The following PDE4D variants were observed in gnomAD, a reference collection of about 807,000 sequenced individuals.
PDE4D encodes the protein phosphodiesterase 4D, also known as 3',5'-cyclic-AMP phosphodiesterase 4D.
A neutral mutation model predicts 87.4 loss-of-function variants in PDE4D; 24 were observed. The ratio of observed to expected loss-of-function variants is 0.27; its 90% CI spans 0.20 to 0.39. PDE4D has a LOEUF of 0.39. PDE4D is among the 10% of genes least tolerant of loss of function. The pLI is 1.00. For synonymous variants in PDE4D, 384 were observed against 383.2 expected, an observed-to-expected ratio of 1.00 and a Z score of -0.02; for missense variants, 714 against 1,041.0, an observed-to-expected ratio of 0.69 and a Z score of 4.32.
chr5:59,522,997 C>A (rs543391147), intron 1 of PDE4D, among the ~76,000 whole-genome samples: 1 of 152,322 alleles, frequency 6.6e-6, no homozygotes, highest in South Asian at 2.1e-4. Flanking sequence ...TCAGTCCCTG[C>A]TCAATTAGCT....
At chr5:59,850,414 G>A (rs76189754) in intron 1 of PDE4D, among the ~76,000 whole-genome samples, 2,838 of 152,040 alleles carry the variant, frequency 0.019, 90 homozygotes, top group African/African-American at 0.065. Context: ...TACCACAAAG[G>A]GTTGTTATAA....
At chr5:59,158,972 A>G (rs1780628563) in intron 5 of PDE4D, among the ~76,000 whole-genome samples, 1 of 152,232 alleles carries the variant, frequency 6.6e-6, no homozygotes, top group Non-Finnish European at 1.5e-5. Context: ...GCTCTGGAGT[A>G]GTTATCACCC....
intron 1 of PDE4D, among the ~76,000 whole-genome samples, chr5:60,279,217 T>C (rs1316687212): frequency 6.6e-6 from 1 of 152,058 alleles, no homozygotes; most frequent in Non-Finnish European, 1.5e-5. Context: ...AGGGTGGCCT[T>C]GTTATCATAG....
At position 59,893,617 on chromosome 5, in the gene PDE4D, C is replaced by T. The variant is rs1287120220; in HGVS notation, c.6G>A (p.Glu2=). M[E]AEGSSAPARA... ...GGGCCGGCGCGCTGCTGCCCTCTGC[C>T]TCCATCCTGGCTCGCGGCTCCGCGA... The change falls in exon 1 of 15, where the codon GAG becomes GAA. Residue 2 remains glutamate (E), a synonymous_variant. Coordinates refer to ENST00000340635, the MANE Select transcript of PDE4D (RefSeq NM_001104631.2). 3 of 1,503,844 alleles carry T rather than the reference C, an allele frequency of 2.0e-6. No homozygotes were observed. The highest frequency in any genetic ancestry group is 2.7e-6 in the Non-Finnish European group (3 of 1,129,034). 93.2% of individuals were successfully genotyped at this position (1,503,844 alleles called of 1,614,324 possible). A position where few individuals can be genotyped will look rare whatever the true frequency, so the allele number is the denominator to read the frequency against.
At chr5:60,361,970 G>C (rs1760117353) in intron 1 of PDE4D, among the ~76,000 whole-genome samples, 1 of 152,142 alleles carries the variant, frequency 6.6e-6, no homozygotes. Flanking sequence ...TACTGATTTT[G>C]CTCACCTAAA....
chr5:59,541,038 T>G (rs557251879), intron 1 of PDE4D, among the ~76,000 whole-genome samples: 2 of 152,300 alleles, frequency 1.3e-5, no homozygotes, highest in South Asian at 4.1e-4. Flanking sequence ...GATCTCAGAA[T>G]TTAAAGAAAC....
chr5:60,022,359 G>T (rs2152853487), intron 2 of PDE4D, among the ~76,000 whole-genome samples: 1 of 152,248 alleles, frequency 6.6e-6, no homozygotes, highest in East Asian at 1.9e-4. Flanking sequence ...TATAACAGAG[G>T]AGTATTCCTG....
chr5:60,263,101 C>A (rs1350754025), intron 1 of PDE4D, among the ~76,000 whole-genome samples: 4 of 152,130 alleles, frequency 2.6e-5, no homozygotes, highest in African/African-American at 9.7e-5. Context: ...GTCCTATAAA[C>A]CTCTGTGCTA....
At chr5:59,512,032 G>A (rs1810363595) in intron 1 of PDE4D, among the ~76,000 whole-genome samples, 1 of 152,088 alleles carries the variant, frequency 6.6e-6, no homozygotes, top group African/African-American at 2.4e-5. Flanking sequence ...ACACAGGTGT[G>A]GATGTCTAAA....
chr5:59,134,994 A>G (rs911321132), intron 5 of PDE4D, among the ~76,000 whole-genome samples: 3 of 152,200 alleles, frequency 2.0e-5, no homozygotes, highest in Non-Finnish European at 2.9e-5. Flanking sequence ...CTATGAAACC[A>G]TGAGTTCAGC....
intron 6 of PDE4D, among the ~76,000 whole-genome samples, chr5:59,004,596 C>T (rs1751205059): frequency 6.6e-6 from 1 of 152,224 alleles, no homozygotes; most frequent in Admixed American, 6.5e-5. Context: ...ACTATTGCTG[C>T]ATTACTAGAA....
At chr5:59,984,154 G>A (rs1762186212) in intron 3 of PDE4D, among the ~76,000 whole-genome samples, 2 of 152,164 alleles carry the variant, frequency 1.3e-5, no homozygotes, top group Non-Finnish European at 2.9e-5. Context: ...TTGAGAAATA[G>A]GATGGTGATT....
Position 58,974,469 on chromosome 5 carries a change from T to C in PDE4D, c.*195A>G, listed in dbSNP as rs1338851855. 3 of 420,748 alleles carry C rather than the reference T, an allele frequency of 7.1e-6. No individual in the cohort carries two copies. Among genetic ancestry groups the C allele is most frequent in the Non-Finnish European group, 8.4e-6 (2 of 237,768 alleles). 26.1% of individuals were successfully genotyped at this position (420,748 alleles called of 1,614,324 possible). On this transcript the variant is annotated 3_prime_UTR_variant, in exon 15 of 15. Coordinates refer to ENST00000340635, the MANE Select transcript of PDE4D (RefSeq NM_001104631.2). ...ACGCTGTTCGTGAAGATGTCCACCT[T>C]GCTCGGATGACATGGAGGTGAAAAA...
At chr5:59,217,442 T>C (rs153965) in intron 1 of PDE4D, 69,374 of 352,968 alleles carry the variant, frequency 0.2, 9,414 homozygotes, top group East Asian at 0.44. Flanking sequence ...GGATCACTTT[T>C]GAATCTGTGA....
intron 2 of PDE4D, among the ~76,000 whole-genome samples, chr5:60,107,976 C>T (rs1208301782): frequency 6.6e-6 from 1 of 152,136 alleles, no homozygotes; most frequent in Non-Finnish European, 1.5e-5. Flanking sequence ...TCTCACCACT[C>T]CTAGTCAACA....
At chr5:59,447,534 T>C (rs1211632589) in intron 1 of PDE4D, among the ~76,000 whole-genome samples, 1 of 152,278 alleles carries the variant, frequency 6.6e-6, no homozygotes, top group East Asian at 1.9e-4. Flanking sequence ...CACAATACAG[T>C]GTACAAATTA....
At chr5:60,225,067 G>T (rs1024974902) in intron 1 of PDE4D, among the ~76,000 whole-genome samples, 6 of 151,980 alleles carry the variant, frequency 3.9e-5, no homozygotes, top group African/African-American at 1.2e-4. Flanking sequence ...AGGTCCTTCT[G>T]CTCTTGGAGC....
At chr5:59,858,356 G>A (rs13175506) in intron 1 of PDE4D, among the ~76,000 whole-genome samples, 4,654 of 151,920 alleles carry the variant, frequency 0.031, 107 homozygotes, top group Non-Finnish European at 0.044. Context: ...TGTATCATCT[G>A]GCCCCAAATC....
chr5:59,999,603 C>A (rs933465355), intron 2 of PDE4D, among the ~76,000 whole-genome samples: 2 of 150,054 alleles, frequency 1.3e-5, no homozygotes, highest in African/African-American at 4.9e-5. Flanking sequence ...AAGTCTTCCC[C>A]TGTATGAAGC....
Sources: gnomAD v4.1 joint callset for allele counts (sites outside exome capture counted in the v4.1 genomes callset) on GRCh38, gnomAD v4.1.1 for gene constraint, MANE v1.5 for transcripts, NCBI Gene and HGNC (gene_info 2026-07-23, HGNC 2026-07-21) for gene names.